MECOM: variants seen among roughly 807,000 people sequenced by gnomAD.
The protein encoded by MECOM is MDS1 and EVI1 complex locus.
Under a neutral mutation model 116.3 loss-of-function variants are expected in MECOM, and 13 were observed. That is an observed-to-expected ratio of 0.11 (90% CI 0.07 to 0.18). MECOM has a LOEUF of 0.18. Among genes scored for constraint, MECOM ranks in the 10% least tolerant of loss-of-function variants. MECOM has a pLI of 1.00. For missense variants in MECOM, 1,299 were observed against 1,509.0 expected, an observed-to-expected ratio of 0.86 and a Z score of 2.31; for synonymous variants, 528 against 535.2, an observed-to-expected ratio of 0.99 and a Z score of 0.19.
intron 1 of MECOM, among the ~76,000 whole-genome samples, chr3:169,474,506 T>G (rs992089901): frequency 6.6e-6 from 1 of 152,176 alleles, no homozygotes; most frequent in Non-Finnish European, 1.5e-5. Flanking sequence ...AGCTTAATTT[T>G]TATCAATATT....
At chr3:169,271,279 C>T (rs1002395344) in intron 2 of MECOM, among the ~76,000 whole-genome samples, 39 of 152,308 alleles carry the variant, frequency 2.6e-4, no homozygotes, top group East Asian at 7.7e-4. Flanking sequence ...AGCACAGCCA[C>T]GTCTTCACAT....
intron 2 of MECOM, among the ~76,000 whole-genome samples, chr3:169,174,595 A>G (rs1299317454): frequency 6.6e-6 from 1 of 152,164 alleles, no homozygotes; most frequent in Non-Finnish European, 1.5e-5. Context: ...TTAAAGACAT[A>G]TTTTATCCAT....
intron 1 of MECOM, among the ~76,000 whole-genome samples, chr3:169,421,830 G>C (rs1299347047): frequency 6.6e-6 from 1 of 152,038 alleles, no homozygotes; most frequent in Non-Finnish European, 1.5e-5. Context: ...AGAGGTGAGA[G>C]CCTGAAGAAT....
Position 169,100,923 on chromosome 3 carries a change from T to C in MECOM, c.2811A>G (p.Thr937=). 1 of 1,608,488 alleles carries C rather than the reference T, an allele frequency of 6.2e-7. No individual in the cohort carries two copies. The highest frequency in any genetic ancestry group is 1.1e-5 in the South Asian group (1 of 90,064). The stretch of plus-strand genomic sequence containing the variant: ...CTCCTGTGTGGGTTCTCAAGTGCCG[T>C]GTTAGGTTTGCAGACCTTGGAAAAA... ...GKIFPRSANL[T]RHLRTHTGEQ... Residue 937 remains threonine (T), a synonymous_variant, in exon 12 of 17, where the codon ACA becomes ACG. Transcript: ENST00000651503.
chr3:169,265,492 TGA>T (rs753265187), intron 2 of MECOM, among the ~76,000 whole-genome samples: 1 of 152,180 alleles, frequency 6.6e-6, no homozygotes, highest in Non-Finnish European at 1.5e-5. Flanking sequence ...TTTAAAATAG[TGA>T]GAGAGTTTAG....
At chr3:169,612,853 A>G (rs576395452) in intron 1 of MECOM, among the ~76,000 whole-genome samples, 1 of 152,300 alleles carries the variant, frequency 6.6e-6, no homozygotes, top group South Asian at 2.1e-4. Context: ...TTTCCCCACA[A>G]GAGAAAGGGT....
chr3:169,404,389 A>G (rs1352596259), intron 1 of MECOM, among the ~76,000 whole-genome samples: 3 of 152,154 alleles, frequency 2.0e-5, no homozygotes, highest in Non-Finnish European at 4.4e-5. Context: ...CCAAACAACA[A>G]AACAATCCAG....
In MECOM at chr3:169,252,672, A is replaced by C. The variant is rs1184920720; in HGVS notation, c.376-108840T>G. On this transcript the variant is annotated intron_variant, in intron 2 of 16. Transcript: ENST00000651503. ...GGAAATCTGACACACCAAACCTGTT[A>C]GAATATGGAACTACAAGTTTATGCG... 2.6e-5 allele frequency among the ~76,000 whole-genome samples: 4 copies of C among 152,272 alleles called. No individual in the cohort carries two copies. In the East Asian group the frequency reaches 5.8e-4, roughly 22 times the overall value.
At chr3:169,463,152 G>A (rs1311904997) in intron 1 of MECOM, among the ~76,000 whole-genome samples, 1 of 152,114 alleles carries the variant, frequency 6.6e-6, no homozygotes, top group African/African-American at 2.4e-5. Context: ...ATTTTACAAT[G>A]CAAGTTAAGT....
intron 10 of MECOM, among the ~76,000 whole-genome samples, chr3:169,103,020 T>C (rs1292282830): frequency 6.6e-6 from 1 of 151,334 alleles, no homozygotes; most frequent in Non-Finnish European, 1.5e-5. Flanking sequence ...TCCCCTCTAG[T>C]AATCTAATTT....
chr3:169,325,002 A>G (rs908280721), intron 2 of MECOM, among the ~76,000 whole-genome samples: 1 of 152,114 alleles, frequency 6.6e-6, no homozygotes, highest in African/African-American at 2.4e-5. Flanking sequence ...CTCACAGCTC[A>G]TATTTTCCAG....
intron 2 of MECOM, among the ~76,000 whole-genome samples, chr3:169,264,476 A>T (rs804205): frequency 0.31 from 47,427 of 152,026 alleles, 7,763 homozygotes; most frequent in East Asian, 0.55. Context: ...TAAATCAATT[A>T]AAAAAAAGCG....
chr3:169,304,865 C>T (rs1577654671), intron 2 of MECOM, among the ~76,000 whole-genome samples: 2 of 152,096 alleles, frequency 1.3e-5, no homozygotes, highest in East Asian at 1.9e-4. Flanking sequence ...TCTCTCTTTC[C>T]ACTCAATTTC....
rs142201087 is a variant in MECOM, at chr3:169,198,837, T to G, written c.376-55005A>C. ...TATGATAAAAGATCAAGCAGCATTT[T>G]AGTGTGCTACGGTAACAAATAATTG... is the stretch of plus-strand genomic sequence containing the variant. On this transcript the variant is annotated intron_variant, in intron 2 of 16. Coordinates refer to ENST00000651503, the MANE Select transcript of MECOM (RefSeq NM_004991.4). Among the ~76,000 whole-genome samples the G allele has an allele frequency of 4.8e-4, 73 of 152,114 alleles. No individual in the cohort carries two copies. In the East Asian group the frequency reaches 0.011, roughly 23 times the overall value.
intron 1 of MECOM, among the ~76,000 whole-genome samples, chr3:169,645,040 C>G (rs1773993210): frequency 6.6e-6 from 1 of 152,166 alleles, no homozygotes; most frequent in Non-Finnish European, 1.5e-5. Flanking sequence ...CTGATCTCAA[C>G]TAAACCTCCG....
chr3:169,443,918 G>A (rs529847013), intron 1 of MECOM, among the ~76,000 whole-genome samples: 53 of 152,242 alleles, frequency 3.5e-4, no homozygotes, highest in African/African-American at 1.3e-3. Flanking sequence ...ACTCTCTTGA[G>A]GTCTGTGAGC....
At chr3:169,188,859 C>T (rs1232245809) in intron 2 of MECOM, among the ~76,000 whole-genome samples, 1 of 152,086 alleles carries the variant, frequency 6.6e-6, no homozygotes, top group Non-Finnish European at 1.5e-5. Flanking sequence ...CAAGTTGAAA[C>T]ATCAGTCACA....
rs75671275 is a variant in MECOM, at chr3:169,102,585, A to G, written c.2605-359T>C. On this transcript the variant is annotated intron_variant, in intron 10 of 16. Transcript: ENST00000651503. ...TTAGTATCATGGTATGGATATTAAC[A>G]TAACGGAAATTATAGGAAAAGTTGC... 2.4e-4 allele frequency among the ~76,000 whole-genome samples: 36 copies of G among 152,338 alleles called. No individual in the cohort carries two copies. In the East Asian group the frequency reaches 6.6e-3, roughly 28 times the overall value.
At chr3:169,578,571 G>A (rs981092777) in intron 1 of MECOM, among the ~76,000 whole-genome samples, 2 of 152,168 alleles carry the variant, frequency 1.3e-5, no homozygotes, top group Non-Finnish European at 2.9e-5. Flanking sequence ...TTATTGCAGT[G>A]ATGAAAATCT....
Sources: gnomAD v4.1 joint callset for allele counts (sites outside exome capture counted in the v4.1 genomes callset) on GRCh38, gnomAD v4.1.1 for gene constraint, MANE v1.5 for transcripts, NCBI Gene and HGNC (gene_info 2026-07-23, HGNC 2026-07-21) for gene names.